Variants in PCDH9 observed in about 807,000 individuals in gnomAD.
The protein encoded by PCDH9 is protocadherin 9, also known as protocadherin-9.
Under a neutral mutation model 70.6 loss-of-function variants are expected in PCDH9, and 24 were observed. The observed-to-expected ratio is 0.34, with a 90% CI of 0.25 to 0.48. The LOEUF (loss-of-function observed/expected upper bound fraction) is 0.48, where lower values mean the gene tolerates loss of function less well. Among genes scored for constraint, PCDH9 ranks in the 20% least tolerant of loss-of-function variants. PCDH9 has a pLI of 0.99. For missense variants in PCDH9, 1,281 were observed against 1,503.6 expected, an observed-to-expected ratio of 0.85 and a Z score of 2.45; for synonymous variants, 562 against 558.5, an observed-to-expected ratio of 1.01 and a Z score of -0.09.
At chr13:66,410,592 A>G (rs1233021185) in intron 4 of PCDH9, among the ~76,000 whole-genome samples, 3 of 152,234 alleles carry the variant, frequency 2.0e-5, no homozygotes, top group African/African-American at 7.2e-5. Flanking sequence ...CAGCCATTGC[A>G]GTCTTACCTA....
At chr13:67,074,150 G>A (rs907078297) in intron 2 of PCDH9, among the ~76,000 whole-genome samples, 2 of 151,528 alleles carry the variant, frequency 1.3e-5, no homozygotes, top group Non-Finnish European at 1.5e-5. Context: ...TACTGCTATA[G>A]ACTGAATGTG....
At chr13:67,163,466 A>G (rs2088019126) in intron 2 of PCDH9, among the ~76,000 whole-genome samples, 1 of 152,210 alleles carries the variant, frequency 6.6e-6, no homozygotes, top group Admixed American at 6.5e-5. Context: ...GTTCTCTGTC[A>G]TTACATTCTA....
chr13:67,167,655 C>T (rs1231199614), intron 2 of PCDH9, among the ~76,000 whole-genome samples: 2 of 152,124 alleles, frequency 1.3e-5, no homozygotes, highest in Non-Finnish European at 1.5e-5. Context: ...GACTGAGGCC[C>T]AGTGTCAGCA....
chr13:67,169,036 T>A (rs932879665), intron 2 of PCDH9, among the ~76,000 whole-genome samples: 1 of 152,220 alleles, frequency 6.6e-6, no homozygotes, highest in African/African-American at 2.4e-5. Context: ...CTCACTTACA[T>A]ATTCATGGGA....
At chr13:66,849,623 T>C (rs1164081891) in intron 3 of PCDH9, among the ~76,000 whole-genome samples, 3 of 151,562 alleles carry the variant, frequency 2.0e-5, no homozygotes, top group African/African-American at 7.3e-5. Flanking sequence ...TAATGAAATC[T>C]AGGAGAATCA....
intron 3 of PCDH9, among the ~76,000 whole-genome samples, chr13:66,699,342 C>T (rs1242538508): frequency 1.3e-5 from 2 of 152,068 alleles, no homozygotes; most frequent in African/African-American, 2.4e-5. Context: ...GATAAAATGG[C>T]GGTTCCCCAA....
intron 3 of PCDH9, among the ~76,000 whole-genome samples, chr13:66,861,108 G>T (rs554625774): frequency 6.6e-6 from 1 of 152,202 alleles, no homozygotes; most frequent in Non-Finnish European, 1.5e-5. Flanking sequence ...AAGTTGCAAA[G>T]AAGAGGTACC....
intron 2 of PCDH9, among the ~76,000 whole-genome samples, chr13:67,108,685 A>T (rs2086596058): frequency 6.6e-6 from 1 of 152,218 alleles, no homozygotes; most frequent in Non-Finnish European, 1.5e-5. Flanking sequence ...GAATGTAAAA[A>T]TCACCATTTT....
intron 2 of PCDH9, among the ~76,000 whole-genome samples, chr13:66,922,734 A>C (rs1195090185): frequency 6.6e-6 from 1 of 151,506 alleles, no homozygotes; most frequent in African/African-American, 2.4e-5. Flanking sequence ...ATTTGCTGCT[A>C]TTATATTAGA....
intron 3 of PCDH9, among the ~76,000 whole-genome samples, chr13:66,643,162 A>G (rs1158726695): frequency 6.6e-6 from 1 of 152,052 alleles, no homozygotes; most frequent in Non-Finnish European, 1.5e-5. Context: ...TAATCAGTAG[A>G]TGGAAAAACA....
At chr13:66,786,750 C>T (rs562283880) in intron 3 of PCDH9, among the ~76,000 whole-genome samples, 31 of 152,170 alleles carry the variant, frequency 2.0e-4, no homozygotes, top group African/African-American at 7.5e-4. Context: ...GTAGCAAACA[C>T]CTTGGAAGCC....
At chr13:67,184,970 C>T (rs1594627340) in intron 2 of PCDH9, among the ~76,000 whole-genome samples, 1 of 152,144 alleles carries the variant, frequency 6.6e-6, no homozygotes, top group East Asian at 1.9e-4. Flanking sequence ...AATCTCCGTA[C>T]TACATAGGCA....
intron 2 of PCDH9, among the ~76,000 whole-genome samples, chr13:67,103,859 T>C (rs1362076361): frequency 6.6e-6 from 1 of 152,178 alleles, no homozygotes; most frequent in Non-Finnish European, 1.5e-5. Context: ...CAGAGTCATT[T>C]TGGCAGTTGT....
At chr13:66,555,279 C>G (rs1284192655) in intron 4 of PCDH9, among the ~76,000 whole-genome samples, 1 of 152,044 alleles carries the variant, frequency 6.6e-6, no homozygotes, top group Non-Finnish European at 1.5e-5. Flanking sequence ...ATAGTACTTT[C>G]TTTCAAGTGT....
At chr13:67,099,675 T>A (rs1301640595) in intron 2 of PCDH9, among the ~76,000 whole-genome samples, 1 of 152,124 alleles carries the variant, frequency 6.6e-6, no homozygotes, top group African/African-American at 2.4e-5. Flanking sequence ...AAGGGCCCCA[T>A]GGAGAACACA....
intron 4 of PCDH9, among the ~76,000 whole-genome samples, chr13:66,364,048 G>A (rs140863268): frequency 5.3e-5 from 8 of 151,938 alleles, no homozygotes; most frequent in South Asian, 2.1e-4. Context: ...CCAGCTACTC[G>A]GGAAGCTGAG....
In PCDH9 at chr13:67,064,416, C is replaced by T. The variant is rs1039936233; in HGVS notation, c.3037-160811G>A. On this transcript the variant is annotated intron_variant, in intron 2 of 4. Coordinates refer to ENST00000377865, the MANE Select transcript of PCDH9 (RefSeq NM_203487.3). ...AAATATTTTCTAGATTTAATATAAACATTACAAACAGAGGAAATTATTTAA... is the reference window on the plus strand; with the variant it reads ...AAATATTTTCTAGATTTAATATAAATATTACAAACAGAGGAAATTATTTAA... Among the ~76,000 whole-genome samples the T allele has an allele frequency of 2.0e-5, 3 of 152,082 alleles. No homozygotes were observed. The East Asian group carries it at 5.8e-4, about 29-fold the overall frequency.
chr13:66,339,626 T>C (rs1486479055), intron 4 of PCDH9, among the ~76,000 whole-genome samples: 2 of 152,088 alleles, frequency 1.3e-5, no homozygotes, highest in Non-Finnish European at 2.9e-5. Context: ...CATGATTATG[T>C]TTTTTTGCAA....
At chr13:66,491,421 G>GT (rs1959031829) in intron 4 of PCDH9, among the ~76,000 whole-genome samples, 1 of 150,658 alleles carries the variant, frequency 6.6e-6, no homozygotes, top group African/African-American at 2.4e-5. Context: ...GTGTGTGTAT[G>GT]AGAGAGAGAG....
Sources: allele counts gnomAD v4.1 joint callset (sites outside exome capture counted in the v4.1 genomes callset), GRCh38; gene constraint gnomAD v4.1.1; transcripts MANE v1.5; gene names NCBI Gene and HGNC (gene_info 2026-07-23, HGNC 2026-07-21).